LDB2: variants seen among roughly 807,000 people sequenced by gnomAD.
LDB2 encodes LIM domain-binding protein 2.
In LDB2, 12 loss-of-function variants were observed where a neutral mutation model predicts 44.3. The observed-to-expected ratio is 0.27, with a 90% CI of 0.17 to 0.44. The LOEUF is 0.44. Among genes scored for constraint, LDB2 ranks in the 20% least tolerant of loss-of-function variants. The probability of loss-of-function intolerance (pLI) is 1.00; values close to 1 mark genes in which losing one functional copy is unlikely to be tolerated. For synonymous variants in LDB2, 164 were observed against 174.8 expected (o/e 0.94, Z 0.49); for missense variants, 344 against 473.5 (o/e 0.73, Z 2.54).
chr4:16,831,192 T>TTTC (rs35649043), intron 1 of LDB2, among the ~76,000 whole-genome samples: 2 of 136,026 alleles, frequency 1.5e-5, no homozygotes, highest in Non-Finnish European at 3.3e-5. Context: ...TTTTTTTTTT[T>TTTC]CTATTTTAAG....
intron 1 of LDB2, among the ~76,000 whole-genome samples, chr4:16,766,705 C>T (rs1400013646): frequency 6.6e-6 from 1 of 151,732 alleles, no homozygotes; most frequent in Admixed American, 6.6e-5. Flanking sequence ...AGGGTTTCAC[C>T]ATGTTGGTCA....
At chr4:16,671,702 G>C (rs1744811829) in intron 2 of LDB2, among the ~76,000 whole-genome samples, 1 of 151,974 alleles carries the variant, frequency 6.6e-6, no homozygotes, top group Admixed American at 6.6e-5. Context: ...CCTTACTCTG[G>C]GCTGGGTCCA....
intron 1 of LDB2, among the ~76,000 whole-genome samples, chr4:16,897,775 C>T (rs1725471524): frequency 6.6e-6 from 1 of 151,692 alleles, no homozygotes; most frequent in Non-Finnish European, 1.5e-5. Flanking sequence ...TGTGTCCCTC[C>T]AGGGCTAGTT....
chr4:16,705,021 C>G (rs886826443), intron 2 of LDB2, among the ~76,000 whole-genome samples: 1 of 152,154 alleles, frequency 6.6e-6, no homozygotes, highest in Non-Finnish European at 1.5e-5. Flanking sequence ...CCTGCCTTCA[C>G]TACAATCTTT....
At chr4:16,647,923 G>A (rs1737222500) in intron 2 of LDB2, among the ~76,000 whole-genome samples, 1 of 152,050 alleles carries the variant, frequency 6.6e-6, no homozygotes, top group South Asian at 2.1e-4. Flanking sequence ...CACCTTACAG[G>A]CTTATTCAGC....
rs776234502 is a variant in LDB2, at chr4:16,876,795, A to T, written c.132+21559T>A. Among the ~76,000 whole-genome samples, 52 of 152,114 alleles carry T rather than the reference A, an allele frequency of 3.4e-4. 1 individual carries two copies. The highest frequency in any genetic ancestry group is 3.4e-3 in the Admixed American group (52 of 15,274). Reference sequence around the variant, plus strand: ...AACAAGGCTATTTCTAGAAATAAGTATTGCCATCGATCCTCAAAAATCTCT... The same window carrying T: ...AACAAGGCTATTTCTAGAAATAAGTTTTGCCATCGATCCTCAAAAATCTCT... On this transcript the variant is annotated intron_variant, in intron 1 of 7. Transcript: ENST00000304523.
At chr4:16,796,585 G>A (rs2109683096) in intron 1 of LDB2, among the ~76,000 whole-genome samples, 1 of 152,304 alleles carries the variant, frequency 6.6e-6, no homozygotes, top group African/African-American at 2.4e-5. Flanking sequence ...CTTGCAAGGA[G>A]ATGGAGCCTC....
intron 1 of LDB2, among the ~76,000 whole-genome samples, chr4:16,887,894 T>C (rs4698518): frequency 0.5 from 75,107 of 151,672 alleles, 20,167 homozygotes; most frequent in African/African-American, 0.71. Flanking sequence ...CAAATCAGCA[T>C]AGTGTAGTGC....
At chr4:16,642,022 C>G (rs1735315021) in intron 2 of LDB2, among the ~76,000 whole-genome samples, 1 of 152,002 alleles carries the variant, frequency 6.6e-6, no homozygotes. Context: ...TATTGCCTGT[C>G]AACTAAAAAT....
At chr4:16,669,960 G>A (rs1376062925) in intron 2 of LDB2, among the ~76,000 whole-genome samples, 1 of 152,214 alleles carries the variant, frequency 6.6e-6, no homozygotes, top group African/African-American at 2.4e-5. Context: ...TTGGAACATA[G>A]CCATGCACAT....
chr4:16,556,967 C>A (rs567224442), intron 5 of LDB2, among the ~76,000 whole-genome samples: 14 of 152,226 alleles, frequency 9.2e-5, no homozygotes, highest in African/African-American at 2.9e-4. Flanking sequence ...AATAGTAAAT[C>A]TATGTGTTGA....
chr4:16,749,288 G>A (rs971271608), intron 2 of LDB2, among the ~76,000 whole-genome samples: 2 of 151,934 alleles, frequency 1.3e-5, no homozygotes, highest in African/African-American at 4.8e-5. Flanking sequence ...TAAAATATGA[G>A]TCTCGGCGGG....
chr4:16,595,013 T>G (rs1043772279), intron 3 of LDB2, among the ~76,000 whole-genome samples: 8 of 152,246 alleles, frequency 5.3e-5, no homozygotes, highest in African/African-American at 1.9e-4. Flanking sequence ...ATATTCCATA[T>G]GTCAATTTCC....
At chr4:16,795,464 A>G (rs1260568975) in intron 1 of LDB2, among the ~76,000 whole-genome samples, 1 of 152,132 alleles carries the variant, frequency 6.6e-6, no homozygotes, top group Admixed American at 6.5e-5. Flanking sequence ...CTCTAGTCCT[A>G]GTCCTGCTGG....
chr4:16,758,671 C>A (rs890896290), intron 2 of LDB2, among the ~76,000 whole-genome samples: 1 of 152,166 alleles, frequency 6.6e-6, no homozygotes, highest in African/African-American at 2.4e-5. Context: ...ATGTTCAAAG[C>A]AACTGTGGCC....
intron 2 of LDB2, among the ~76,000 whole-genome samples, chr4:16,695,652 G>A (rs1578852627): frequency 6.6e-6 from 1 of 152,156 alleles, no homozygotes; most frequent in East Asian, 1.9e-4. Context: ...GAGTCTGTGG[G>A]CCATAAGACC....
intron 1 of LDB2, among the ~76,000 whole-genome samples, chr4:16,812,081 G>A (rs1453392795): frequency 6.6e-6 from 1 of 152,064 alleles, no homozygotes; most frequent in Non-Finnish European, 1.5e-5. Flanking sequence ...CTTCTATCCC[G>A]TCCTTTATAA....
chr4:16,630,404 A>G (rs28840127), intron 2 of LDB2, among the ~76,000 whole-genome samples: 56,688 of 152,086 alleles, frequency 0.37, 10,790 homozygotes, highest in East Asian at 0.56. Context: ...TTTTGTCACC[A>G]GCAGGCCTAC....
At chr4:16,615,374 G>C (rs1726978284) in intron 2 of LDB2, among the ~76,000 whole-genome samples, 1 of 152,170 alleles carries the variant, frequency 6.6e-6, no homozygotes, top group South Asian at 2.1e-4. Flanking sequence ...ATCGATGATA[G>C]ACTGGATAAA....
Sources: allele counts gnomAD v4.1 joint callset (sites outside exome capture counted in the v4.1 genomes callset), GRCh38; gene constraint gnomAD v4.1.1; transcripts MANE v1.5; gene names NCBI Gene and HGNC (gene_info 2026-07-23, HGNC 2026-07-21).